GALNTL6: variants seen among roughly 807,000 people sequenced by gnomAD.
GALNTL6 encodes polypeptide N-acetylgalactosaminyltransferase like 6.
A neutral mutation model predicts 73.7 loss-of-function variants in GALNTL6; 46 were observed. That is an observed-to-expected ratio of 0.62 (90% CI 0.49 to 0.80). The LOEUF is 0.80. GALNTL6 is among the 30% of genes least tolerant of loss of function. GALNTL6 has a pLI of 0.00. For synonymous variants in GALNTL6, 259 were observed against 263.7 expected (o/e 0.98, Z 0.17); for missense variants, 604 against 755.0 (o/e 0.80, Z 2.34).
In GALNTL6 at chr4:172,065,885, T is replaced by C. The variant is rs186631841; in HGVS notation, c.139-163771T>C. Among the ~76,000 whole-genome samples, 298 of 152,208 alleles carry C rather than the reference T, an allele frequency of 2.0e-3. 1 individual carries two copies. Among genetic ancestry groups the C allele is most frequent in the African/African-American group, 6.7e-3 (278 of 41,564 alleles). ...TACAAGCATCAGATCTGGTGAGAAC[T>C]CACTCACTATCGTGAGAACAGCATG... On this transcript the variant is annotated intron_variant, in intron 2 of 12. Coordinates refer to ENST00000506823, the MANE Select transcript of GALNTL6 (RefSeq NM_001034845.3).
At chr4:172,696,272 T>A (rs1020044250) in intron 5 of GALNTL6, among the ~76,000 whole-genome samples, 1 of 152,224 alleles carries the variant, frequency 6.6e-6, no homozygotes, top group Non-Finnish European at 1.5e-5. Flanking sequence ...CTTGTCATGC[T>A]TGATTTTTTC....
intron 5 of GALNTL6, among the ~76,000 whole-genome samples, chr4:172,404,272 G>A (rs1223022771): frequency 6.6e-6 from 1 of 151,922 alleles, no homozygotes; most frequent in Admixed American, 6.6e-5. Flanking sequence ...TCCCCACAGT[G>A]ATTATTACAA....
At chr4:172,493,643 GTC>G (rs925151579) in intron 5 of GALNTL6, among the ~76,000 whole-genome samples, 1 of 152,010 alleles carries the variant, frequency 6.6e-6, no homozygotes, top group African/African-American at 2.4e-5. Context: ...TCTGAAATAG[GTC>G]TCTAACCTCT....
At chr4:172,572,957 G>A (rs1736819340) in intron 5 of GALNTL6, among the ~76,000 whole-genome samples, 1 of 152,026 alleles carries the variant, frequency 6.6e-6, no homozygotes, top group Non-Finnish European at 1.5e-5. Context: ...CAAAACATAA[G>A]TCCCTTTGAC....
At chr4:172,313,218 T>A (rs958135615) in intron 4 of GALNTL6, among the ~76,000 whole-genome samples, 1 of 145,856 alleles carries the variant, frequency 6.9e-6, no homozygotes, top group East Asian at 2.1e-4. Context: ...CTCCGCCTCC[T>A]GGGTTCACGC....
chr4:172,483,822 T>G (rs188345206), intron 5 of GALNTL6, among the ~76,000 whole-genome samples: 1 of 152,124 alleles, frequency 6.6e-6, no homozygotes, highest in Admixed American at 6.5e-5. Flanking sequence ...TTAAGTGAAA[T>G]TGAGAAGTTA....
At chr4:172,947,867 A>G (rs1014273032) in intron 9 of GALNTL6, among the ~76,000 whole-genome samples, 3 of 152,066 alleles carry the variant, frequency 2.0e-5, no homozygotes, top group Non-Finnish European at 2.9e-5. Flanking sequence ...TGATTTTCCT[A>G]TTTCCTGGAG....
At chr4:172,834,224 A>T (rs1157683675) in intron 7 of GALNTL6, among the ~76,000 whole-genome samples, 5 of 152,204 alleles carry the variant, frequency 3.3e-5, no homozygotes, top group Non-Finnish European at 5.9e-5. Context: ...GGTATAGAGA[A>T]GTGTGGACCC....
At chr4:171,862,687 T>C (rs1011218460) in intron 2 of GALNTL6, among the ~76,000 whole-genome samples, 3 of 152,166 alleles carry the variant, frequency 2.0e-5, no homozygotes, top group African/African-American at 7.2e-5. Flanking sequence ...TTTTATGTAA[T>C]AATGTAATTT....
intron 2 of GALNTL6, among the ~76,000 whole-genome samples, chr4:172,162,787 A>G (rs549796387): frequency 1.3e-5 from 2 of 152,194 alleles, no homozygotes; most frequent in East Asian, 1.9e-4. Context: ...TTCTGACATA[A>G]TCCTGCAAAA....
Position 172,645,265 on chromosome 4 carries a change from A to C in GALNTL6, c.554-164096A>C, listed in dbSNP as rs568519903. 3.5e-4 allele frequency among the ~76,000 whole-genome samples: 53 copies of C among 152,092 alleles called. 2 individuals are homozygous for C. In the South Asian group the frequency reaches 1.0e-2, roughly 29 times the overall value. ...TCTTGAATGTCTGTATTTAAGAAAA[A>C]AAATCACCAAAAGATCATGAAGATA... On this transcript the variant is annotated intron_variant, in intron 5 of 12. Transcript: ENST00000506823.
intron 2 of GALNTL6, among the ~76,000 whole-genome samples, chr4:172,111,664 T>A (rs560393017): frequency 6.6e-6 from 1 of 152,062 alleles, no homozygotes; most frequent in African/African-American, 2.4e-5. Flanking sequence ...ACAACTACAG[T>A]GAGATACTTG....
At chr4:171,973,009 A>G (rs1739617054) in intron 2 of GALNTL6, among the ~76,000 whole-genome samples, 1 of 152,176 alleles carries the variant, frequency 6.6e-6, no homozygotes, top group South Asian at 2.1e-4. Context: ...AAAATATAAA[A>G]CTATGCAATT....
chr4:171,838,309 G>C (rs1735154939), intron 2 of GALNTL6, among the ~76,000 whole-genome samples: 2 of 151,886 alleles, frequency 1.3e-5, no homozygotes, highest in African/African-American at 2.4e-5. Context: ...TTTTGGTAGA[G>C]AGGGGGTTTC....
chr4:171,863,655 T>G (rs1214130798), intron 2 of GALNTL6, among the ~76,000 whole-genome samples: 1 of 152,160 alleles, frequency 6.6e-6, no homozygotes, highest in Non-Finnish European at 1.5e-5. Flanking sequence ...GAGCTGGATA[T>G]TCATCATTAG....
intron 8 of GALNTL6, among the ~76,000 whole-genome samples, chr4:172,885,262 T>C (rs1561013156): frequency 6.6e-6 from 1 of 152,198 alleles, no homozygotes; most frequent in Non-Finnish European, 1.5e-5. Flanking sequence ...GACCATGGTA[T>C]ATCTTTCCAT....
intron 10 of GALNTL6, among the ~76,000 whole-genome samples, chr4:172,970,532 G>A (rs994149512): frequency 2.0e-5 from 3 of 152,134 alleles, no homozygotes; most frequent in African/African-American, 7.2e-5. Context: ...ACATGTCCGT[G>A]TATAGGCTCT....
intron 2 of GALNTL6, among the ~76,000 whole-genome samples, chr4:171,903,494 C>G (rs898888080): frequency 6.6e-6 from 1 of 152,142 alleles, no homozygotes; most frequent in East Asian, 1.9e-4. Flanking sequence ...GAGGGTCCCA[C>G]GCCCACGGAG....
intron 5 of GALNTL6, among the ~76,000 whole-genome samples, chr4:172,485,769 T>C (rs1733643003): frequency 6.6e-6 from 1 of 152,202 alleles, no homozygotes; most frequent in African/African-American, 2.4e-5. Context: ...GCATTTCATT[T>C]CTTTGACATC....
Sources: gnomAD v4.1 joint callset for allele counts (sites outside exome capture counted in the v4.1 genomes callset) on GRCh38, gnomAD v4.1.1 for gene constraint, MANE v1.5 for transcripts, NCBI Gene and HGNC (gene_info 2026-07-23, HGNC 2026-07-21) for gene names.